The following TPX2 variants were observed in gnomAD, a reference collection of about 807,000 sequenced individuals.
TPX2 encodes targeting protein for Xklp2.
In TPX2, 21 loss-of-function variants were observed where a neutral mutation model predicts 93.6. The ratio of observed to expected loss-of-function variants is 0.22; its 90% CI spans 0.16 to 0.32. TPX2 has a LOEUF of 0.32. Among genes scored for constraint, TPX2 ranks in the 10% least tolerant of loss-of-function variants. TPX2 has a pLI of 1.00. For synonymous variants in TPX2, 281 were observed against 298.3 expected, an observed-to-expected ratio of 0.94 and a Z score of 0.60; for missense variants, 776 against 871.1, an observed-to-expected ratio of 0.89 and a Z score of 1.37.
At chr20:31,740,446 C>T (rs1469290957) in intron 1 of TPX2, among the ~76,000 whole-genome samples, 1 of 152,184 alleles carries the variant, frequency 6.6e-6, no homozygotes, top group Non-Finnish European at 1.5e-5. Context: ...ACCCCCACGT[C>T]AGACTTGAGT....
At chr20:31,784,664 A>C (rs1205979571) in intron 12 of TPX2, among the ~76,000 whole-genome samples, 1 of 152,208 alleles carries the variant, frequency 6.6e-6, no homozygotes, top group Non-Finnish European at 1.5e-5. Context: ...GGGAGCTGTT[A>C]GTGGGTCAGT....
chr20:31,764,432 G>A (rs1444679595), intron 4 of TPX2, among the ~76,000 whole-genome samples: 1 of 151,990 alleles, frequency 6.6e-6, no homozygotes, highest in East Asian at 1.9e-4. Context: ...GCCTTCCAAA[G>A]TTCTGGGATT....
intron 2 of TPX2, among the ~76,000 whole-genome samples, chr20:31,749,533 C>T (rs748018633): frequency 1.3e-5 from 2 of 152,078 alleles, no homozygotes; most frequent in African/African-American, 2.4e-5. Flanking sequence ...CGGTGGCTTA[C>T]GCTAGTAATC....
chr20:31,775,517 A>G (rs904651867), intron 7 of TPX2, among the ~76,000 whole-genome samples: 1 of 151,872 alleles, frequency 6.6e-6, no homozygotes, highest in East Asian at 1.9e-4. Flanking sequence ...CTAGAATTAC[A>G]GGTGTGTGCC....
chr20:31,783,946 G>A (rs763546796), intron 12 of TPX2, 25 bp downstream of exon 12: 4 of 1,611,522 alleles, frequency 2.5e-6, no homozygotes, highest in Non-Finnish European at 3.4e-6. Context: ...ATGTGTGCTG[G>A]CAGAAGTGTA....
At chr20:31,748,092 ATTCTCTT>A (rs1230762305) in intron 2 of TPX2, among the ~76,000 whole-genome samples, 2 of 152,100 alleles carry the variant, frequency 1.3e-5, no homozygotes, top group Non-Finnish European at 2.9e-5. Flanking sequence ...GTATTTATTT[ATTCTCTT>A]TTTCCAGGGA....
intron 5 of TPX2, among the ~76,000 whole-genome samples, chr20:31,768,402 ATT>A (rs71272861): frequency 4.3e-5 from 6 of 140,318 alleles, no homozygotes; most frequent in Admixed American, 7.1e-5. Context: ...CGCGCGGCTA[ATT>A]TTTTTTTTTT....
chr20:31,785,202 C>T (rs1381662982), intron 12 of TPX2, among the ~76,000 whole-genome samples: 2 of 152,046 alleles, frequency 1.3e-5, no homozygotes, highest in Admixed American at 6.6e-5. Flanking sequence ...TTTTTTTTCC[C>T]TGCCATGATG....
chr20:31,742,174 CT>C (rs538601587), intron 1 of TPX2, among the ~76,000 whole-genome samples: 41,828 of 126,176 alleles, frequency 0.33, 6,851 homozygotes, highest in African/African-American at 0.55. Context: ...AAAGTTTGCT[CT>C]TTTTTTTTTT....
chr20:31,786,029 A>G (rs1012785961), intron 12 of TPX2, among the ~76,000 whole-genome samples: 4 of 152,226 alleles, frequency 2.6e-5, no homozygotes, highest in Non-Finnish European at 5.9e-5. Context: ...ACACAGCAAT[A>G]ATAGCTAATA....
intron 4 of TPX2, 63 bp from the exon 5 acceptor site, chr20:31,766,493 G>GTC: frequency 1.4e-6 from 2 of 1,447,048 alleles, no homozygotes; most frequent in African/African-American, 1.4e-5. Flanking sequence ...GTGTGTGTGT[G>GTC]TGTCTCATCT....
chr20:31,760,268 C>A, intron 4 of TPX2, 89 bp downstream of exon 4: 1 of 1,519,946 alleles, frequency 6.6e-7, no homozygotes, highest in Non-Finnish European at 8.9e-7. Context: ...TACCTAAATG[C>A]TCTATCTCTT....
At chr20:31,761,443 G>A (rs185803933) in intron 4 of TPX2, among the ~76,000 whole-genome samples, 40 of 151,968 alleles carry the variant, frequency 2.6e-4, no homozygotes, top group Middle Eastern at 6.8e-3. Flanking sequence ...CTTGTGATCC[G>A]CCCACCTCGG....
intron 11 of TPX2, among the ~76,000 whole-genome samples, chr20:31,783,407 C>T (rs1295316179): frequency 6.6e-6 from 1 of 151,830 alleles, no homozygotes; most frequent in African/African-American, 2.4e-5. Context: ...TGCACCACCA[C>T]GCCCAGCTAA....
At position 31,775,943 on chromosome 20, in the gene TPX2, C is replaced by G; in HGVS notation, c.685C>G (p.Arg229Gly). Residue 229 changes from arginine to glycine, a missense_variant, in exon 8 of 18, where the codon CGG (arginine) becomes GGG (glycine). Around this residue, in one of 3 missense-constraint regions of TPX2, gnomAD observed 279 missense variants for 261.6 expected, o/e 1.07. Transcript: ENST00000300403. ...AATGCAGCAAGAGGTGGTGGAGATGCGGAAAAAGAATGAAGAATTCAAGAA... is the reference window on the plus strand; with the variant it reads ...AATGCAGCAAGAGGTGGTGGAGATGGGGAAAAAGAATGAAGAATTCAAGAA... Reference protein sequence around the residue: ...MKMQQEVVEMRKKNEEFKKLA... With the variant: ...MKMQQEVVEMGKKNEEFKKLA... 1.3e-6 allele frequency: 2 copies of G among 1,574,872 alleles called. No homozygotes were observed. The highest frequency in any genetic ancestry group is 2.4e-5 in the East Asian group (1 of 41,070).
At chr20:31,755,201 G>C (rs1463159651) in intron 2 of TPX2, among the ~76,000 whole-genome samples, 1 of 151,900 alleles carries the variant, frequency 6.6e-6, no homozygotes. Context: ...ACCCGCCTTG[G>C]CCTCCCAAAG....
chr20:31,782,493 T>G (rs2062039302), intron 11 of TPX2, 103 bp downstream of exon 11: 1 of 1,465,492 alleles, frequency 6.8e-7, no homozygotes, highest in Non-Finnish European at 9.1e-7. Context: ...CCGTAAAAAT[T>G]TATGGCATTT....
At chr20:31,750,738 A>G (rs1187559321) in intron 2 of TPX2, among the ~76,000 whole-genome samples, 2 of 152,164 alleles carry the variant, frequency 1.3e-5, no homozygotes, top group Non-Finnish European at 2.9e-5. Flanking sequence ...GTAAGTTAAT[A>G]GTCAATTTAT....
chr20:31,794,444 A>C lies in TPX2; in HGVS notation c.1729A>C (p.Ile577Leu), dbSNP rs749459297. Reference protein sequence around the residue: ...KALPLPHFDTINLPEKKVKNV... With the variant: ...KALPLPHFDTLNLPEKKVKNV... ...ACTTCCCTTGCCTCATTTTGACACC[A>C]TTAACCTGCCAGAGAAGAAGGTAAA... is the stretch of plus-strand genomic sequence containing the variant. The change falls in exon 15 of 18, where the codon ATT becomes CTT. Residue 577 changes from isoleucine (I) to leucine (L), a missense_variant. Around this residue, in one of 3 missense-constraint regions of TPX2, gnomAD observed 461 missense variants for 551.2 expected, o/e 0.84. Transcript: ENST00000300403. 2 of 1,614,168 alleles carry C rather than the reference A, an allele frequency of 1.2e-6. No homozygotes were observed. The highest frequency in any genetic ancestry group is 3.3e-5 in the Admixed American group (2 of 60,020).
Sources: allele counts gnomAD v4.1 joint callset (sites outside exome capture counted in the v4.1 genomes callset), GRCh38; gene constraint gnomAD v4.1.1; regional missense constraint gnomAD v4.1.1; transcripts MANE v1.5; gene names NCBI Gene and HGNC (gene_info 2026-07-23, HGNC 2026-07-21).